CNBD1: variants seen among roughly 807,000 people sequenced by gnomAD.
The protein encoded by CNBD1 is cyclic nucleotide-binding domain-containing protein 1.
Under a neutral mutation model 54.4 loss-of-function variants are expected in CNBD1, and 71 were observed. That is an observed-to-expected ratio of 1.30 (90% confidence interval 1.08 to 1.59). The LOEUF is 1.59. CNBD1 is among the 40% of genes most tolerant of loss of function. The pLI is 0.00. For synonymous variants in CNBD1, 182 were observed against 170.7 expected, an observed-to-expected ratio of 1.07 and a Z score of -0.51; for missense variants, 659 against 518.0, an observed-to-expected ratio of 1.27 and a Z score of -2.64.
At chr8:87,235,929 T>C (rs1807575781) in intron 5 of CNBD1, among the ~76,000 whole-genome samples, 1 of 152,110 alleles carries the variant, frequency 6.6e-6, no homozygotes, top group African/African-American at 2.4e-5. Context: ...AAGAACAACC[T>C]TTACTTTAAA....
chr8:86,962,356 C>T (rs1207282584), intron 4 of CNBD1, among the ~76,000 whole-genome samples: 2 of 152,192 alleles, frequency 1.3e-5, no homozygotes, highest in South Asian at 2.1e-4. Flanking sequence ...TAACTTTTAA[C>T]TATAGCACCC....
chr8:86,963,486 T>G (rs1807989666), intron 4 of CNBD1, among the ~76,000 whole-genome samples: 1 of 152,072 alleles, frequency 6.6e-6, no homozygotes, highest in South Asian at 2.1e-4. Flanking sequence ...ATTAAATTGG[T>G]CCCAGATAGC....
In CNBD1 at chr8:87,136,706, ATATAT is replaced by A. The variant is rs1291622518; in HGVS notation, c.432-69280_432-69276del. 4.3e-4 allele frequency among the ~76,000 whole-genome samples: 9 copies of A among 20,902 alleles called. 1 individual carries two copies. The highest frequency in any genetic ancestry group is 2.4e-3 in the African/African-American group (9 of 3,674). The allele number at this position is 20,902 out of a possible 152,430, so 13.7% of individuals were successfully genotyped here. On this transcript the variant is annotated intron_variant, in intron 4 of 10. Transcript: ENST00000518476. Reference sequence around the variant, plus strand: ...ATTATATTTATAATATATATAAATTATATATTATATTTATAATATATATAAATTAT... The same window carrying A: ...ATTATATTTATAATATATATAAATTATATATTTATAATATATATAAATTAT...
intron 6 of CNBD1, among the ~76,000 whole-genome samples, chr8:87,258,269 A>C (rs1416274565): frequency 6.6e-6 from 1 of 152,066 alleles, no homozygotes; most frequent in African/African-American, 2.4e-5. Context: ...TCATTTAGCC[A>C]AAATGATGAC....
chr8:87,086,881 G>A (rs1235657459), intron 4 of CNBD1, among the ~76,000 whole-genome samples: 2 of 152,132 alleles, frequency 1.3e-5, no homozygotes, highest in Admixed American at 1.3e-4. Context: ...GAAAGCTTCA[G>A]TTGCATGTAA....
At chr8:87,094,029 C>T (rs896934701) in intron 4 of CNBD1, among the ~76,000 whole-genome samples, 1 of 152,108 alleles carries the variant, frequency 6.6e-6, no homozygotes, top group African/African-American at 2.4e-5. Flanking sequence ...CTGTTGGTTC[C>T]ATAGCTTTCT....
intron 6 of CNBD1, among the ~76,000 whole-genome samples, chr8:87,242,557 G>A (rs1376069161): frequency 1.3e-5 from 2 of 152,124 alleles, no homozygotes; most frequent in Non-Finnish European, 2.9e-5. Flanking sequence ...GAATGTCTGT[G>A]AATCCACCTA....
chr8:87,306,972 CTA>C lies in CNBD1; in HGVS notation c.1042+20305_1042+20306del, dbSNP rs576338676. On this transcript the variant is annotated intron_variant, in intron 8 of 10. Transcript: ENST00000518476. ...GAACAGAAAAAAATGTACTCAATAA[CTA>C]TATCTGAAATAAATAAATGACCTAA... is the stretch of plus-strand genomic sequence containing the variant. Among the ~76,000 whole-genome samples, 149 of 152,108 alleles carry C rather than the reference CTA, an allele frequency of 9.8e-4. 1 individual carries two copies. Among genetic ancestry groups the C allele is most frequent in the Non-Finnish European group, 1.8e-3 (122 of 67,984 alleles).
chr8:86,992,725 A>T (rs896603578), intron 4 of CNBD1, among the ~76,000 whole-genome samples: 1 of 151,982 alleles, frequency 6.6e-6, no homozygotes, highest in African/African-American at 2.4e-5. Flanking sequence ...CACTTATGAA[A>T]CTTACTTTGG....
chr8:87,326,236 A>C (rs1007430633), intron 8 of CNBD1, among the ~76,000 whole-genome samples: 1 of 120,488 alleles, frequency 8.3e-6, no homozygotes, highest in African/African-American at 3.1e-5. Flanking sequence ...TGCCCTTAAC[A>C]TTTTTTCCTT....
intron 3 of CNBD1, among the ~76,000 whole-genome samples, chr8:86,912,323 A>C (rs970111777): frequency 2.6e-5 from 4 of 152,218 alleles, no homozygotes; most frequent in Non-Finnish European, 5.9e-5. Flanking sequence ...AATGTGGCAG[A>C]AGCTAAGGGG....
chr8:87,386,634 C>G (rs1811196271), downstream of CNBD1, among the ~76,000 whole-genome samples: 1 of 152,142 alleles, frequency 6.6e-6, no homozygotes, highest in Non-Finnish European at 1.5e-5. Context: ...CATCTGATTG[C>G]TGTACCTGAA....
At chr8:86,903,727 T>A (rs1808973677) in intron 2 of CNBD1, among the ~76,000 whole-genome samples, 1 of 152,046 alleles carries the variant, frequency 6.6e-6, no homozygotes, top group Non-Finnish European at 1.5e-5. Context: ...ATAAAGTATA[T>A]TGTCAGGTTA....
chr8:87,380,557 C>T (rs1811053532), intron 10 of CNBD1, among the ~76,000 whole-genome samples: 1 of 151,826 alleles, frequency 6.6e-6, no homozygotes, highest in African/African-American at 2.4e-5. Flanking sequence ...TGAAAAAAAG[C>T]ACCATTAGGA....
chr8:87,207,062 C>T lies in CNBD1; in HGVS notation c.577+924C>T, dbSNP rs150111865. ...GAGTTTTCCCTCCATGGTCTTCTTTCATAATTAGTTCCATTTAATCTGTGA... is the reference window on the plus strand; with the variant it reads ...GAGTTTTCCCTCCATGGTCTTCTTTTATAATTAGTTCCATTTAATCTGTGA... On this transcript the variant is annotated intron_variant, in intron 5 of 10. Transcript: ENST00000518476. Among the ~76,000 whole-genome samples, 33 of 152,188 alleles carry T rather than the reference C, an allele frequency of 2.2e-4. No individual in the cohort carries two copies. The East Asian group carries it at 6.0e-3, about 28-fold the overall frequency.
intron 4 of CNBD1, among the ~76,000 whole-genome samples, chr8:87,184,779 A>G (rs1813438981): frequency 6.6e-6 from 1 of 151,982 alleles, no homozygotes; most frequent in African/African-American, 2.4e-5. Flanking sequence ...ATCTATTCAG[A>G]GTCTGCTGGT....
intron 4 of CNBD1, among the ~76,000 whole-genome samples, chr8:86,941,932 C>T: frequency 6.6e-6 from 1 of 152,180 alleles, no homozygotes; most frequent in East Asian, 1.9e-4. Context: ...TAGAGAAGAT[C>T]CTGATGTACT....
intron 4 of CNBD1, among the ~76,000 whole-genome samples, chr8:87,083,824 G>A (rs1486458829): frequency 3.3e-5 from 5 of 152,046 alleles, no homozygotes; most frequent in Admixed American, 1.3e-4. Context: ...TCATGACCTC[G>A]TGATCCGCCT....
chr8:86,984,069 G>T (rs1038378355), intron 4 of CNBD1, among the ~76,000 whole-genome samples: 5 of 152,152 alleles, frequency 3.3e-5, no homozygotes, highest in African/African-American at 9.7e-5. Context: ...TGGGCCCAGG[G>T]TCCCTCTGCT....
Sources: gnomAD v4.1 joint callset for allele counts (sites outside exome capture counted in the v4.1 genomes callset) on GRCh38, gnomAD v4.1.1 for gene constraint, MANE v1.5 for transcripts, NCBI Gene and HGNC (gene_info 2026-07-23, HGNC 2026-07-21) for gene names.